The following EDA2R variants were observed in gnomAD, a reference collection of about 807,000 sequenced individuals.
EDA2R encodes tumor necrosis factor receptor superfamily member 27.
A neutral mutation model predicts 20.1 loss-of-function variants in EDA2R; 26 were observed. The observed-to-expected ratio is 1.30, with a 90% confidence interval of 0.95 to 1.80. The LOEUF (loss-of-function observed/expected upper bound fraction) is 1.80. Ranked by LOEUF, EDA2R falls within the 40% of genes most tolerant of loss-of-function variation. The probability of loss-of-function intolerance (pLI) is 0.00; values close to 1 mark genes in which losing one functional copy is unlikely to be tolerated. For missense variants in EDA2R, 277 were observed against 228.7 expected, an observed-to-expected ratio of 1.21 and a Z score of -1.36; for synonymous variants, 114 against 88.7, an observed-to-expected ratio of 1.29 and a Z score of -1.60.
chrX:66,622,552 G>A (rs1337990679), intron 1 of EDA2R, among the ~76,000 whole-genome samples: 5 of 111,837 alleles, frequency 4.5e-5, no homozygotes, highest in African/African-American at 1.6e-4. Context: ...GATTAAAAAC[G>A]ATGAAGAAGA....
chrX:66,625,468 AT>A (rs1569252109), intron 1 of EDA2R, among the ~76,000 whole-genome samples: 1 of 110,808 alleles, frequency 9.0e-6, no homozygotes. Context: ...AACTCCATGG[AT>A]CTGGGAACCT....
At chrX:66,618,504 C>A (rs770185360) in intron 1 of EDA2R, among the ~76,000 whole-genome samples, 20 of 112,239 alleles carry the variant, frequency 1.8e-4, no homozygotes, top group Non-Finnish European at 3.4e-4. Flanking sequence ...TTCCATACTG[C>A]AGCTAGACAC....
Position 66,619,387 on chromosome X carries a change from A to G in EDA2R, c.-10-3357T>C, listed in dbSNP as rs1033618837. 2.7e-5 allele frequency among the ~76,000 whole-genome samples: 3 copies of G among 112,421 alleles called. No homozygotes were observed. The Admixed American group carries it at 2.8e-4, about 11-fold the overall frequency. ...AAACGTTTGGAAACTTTTCCGAGAC[A>G]ATTGCCTTTGAAATGGAAGTGAAAA... On this transcript the variant is annotated intron_variant, in intron 1 of 6. Transcript: ENST00000374719.
chrX:66,599,926 G>A (rs140772275), intron 5 of EDA2R, 66 bp from the exon 6 acceptor site: 2 of 1,159,726 alleles, frequency 1.7e-6, no homozygotes, highest in Non-Finnish European at 2.3e-6. Flanking sequence ...CTGGGCACTG[G>A]GTACTGAGTA....
intron 5 of EDA2R, among the ~76,000 whole-genome samples, chrX:66,601,915 C>G (rs1235821460): frequency 9.0e-6 from 1 of 111,551 alleles, no homozygotes; most frequent in Admixed American, 9.6e-5. Flanking sequence ...TAATAGAGAT[C>G]ACAATGTTAC....
At chrX:66,636,939 A>AC (rs1934379568) in intron 1 of EDA2R, among the ~76,000 whole-genome samples, 1 of 99,839 alleles carries the variant, frequency 1.0e-5, no homozygotes, top group Non-Finnish European at 2.0e-5. Context: ...CTGTGTGTAA[A>AC]ACACACACAC....
intron 1 of EDA2R, among the ~76,000 whole-genome samples, chrX:66,631,039 G>A (rs1206664415): frequency 7.4e-5 from 8 of 108,693 alleles, no homozygotes; most frequent in African/African-American, 2.7e-4. Flanking sequence ...ACACATGTGT[G>A]TATATGTATA....
intron 1 of EDA2R, among the ~76,000 whole-genome samples, chrX:66,619,814 T>C (rs112662067): frequency 2.0e-3 from 228 of 111,868 alleles, no homozygotes; most frequent in African/African-American, 7.0e-3. Flanking sequence ...GCTCTAAAAA[T>C]TCATGTGGGT....
At chrX:66,629,020 G>T (rs144582901) in intron 1 of EDA2R, among the ~76,000 whole-genome samples, 1 of 111,623 alleles carries the variant, frequency 9.0e-6, no homozygotes, top group African/African-American at 3.3e-5. Context: ...TACCAGGGAC[G>T]CAGGGATGGT....
chrX:66,625,782 C>A (rs952815567), intron 1 of EDA2R, among the ~76,000 whole-genome samples: 6 of 112,206 alleles, frequency 5.3e-5, no homozygotes, highest in African/African-American at 1.9e-4. Flanking sequence ...GACACCTCCA[C>A]CGGAACAGGT....
At chrX:66,633,327 T>C (rs1338564242) in intron 1 of EDA2R, among the ~76,000 whole-genome samples, 1 of 111,926 alleles carries the variant, frequency 8.9e-6, no homozygotes, top group African/African-American at 3.2e-5. Flanking sequence ...GAAAAGAGAC[T>C]GTGTAGCCAA....
chrX:66,634,776 T>G (rs1329614100), intron 1 of EDA2R, among the ~76,000 whole-genome samples: 1 of 111,469 alleles, frequency 9.0e-6, no homozygotes, highest in Non-Finnish European at 1.9e-5. Context: ...TGGCCCAGCT[T>G]TAGGACCAAT....
intron 1 of EDA2R, among the ~76,000 whole-genome samples, chrX:66,619,069 G>C (rs763205999): frequency 1.4e-3 from 160 of 111,791 alleles, no homozygotes; most frequent in African/African-American, 5.0e-3. Flanking sequence ...GAGGTTTATA[G>C]TAAAAGGAGT....
chrX:66,633,061 A>T (rs1028911873), intron 1 of EDA2R, among the ~76,000 whole-genome samples: 21 of 112,276 alleles, frequency 1.9e-4, no homozygotes, highest in Non-Finnish European at 3.6e-4. Flanking sequence ...AGAAAAAAAA[A>T]TCCTTACTAA....
chrX:66,631,493 G>T (rs1933811860), intron 1 of EDA2R, among the ~76,000 whole-genome samples: 1 of 111,571 alleles, frequency 9.0e-6, no homozygotes, highest in Non-Finnish European at 1.9e-5. Flanking sequence ...ACTTTTCAAG[G>T]CAGTATTGAA....
At chrX:66,634,085 G>C (rs1934102972) in intron 1 of EDA2R, among the ~76,000 whole-genome samples, 1 of 111,474 alleles carries the variant, frequency 9.0e-6, no homozygotes, top group Non-Finnish European at 1.9e-5. Context: ...AAGGAGCAGA[G>C]ATACAAACCA....
intron 1 of EDA2R, among the ~76,000 whole-genome samples, chrX:66,638,470 G>A (rs1183902815): frequency 1.8e-5 from 2 of 110,917 alleles, no homozygotes; most frequent in Non-Finnish European, 3.8e-5. Flanking sequence ...ACTGCCCGGG[G>A]CTCAGCTTCC....
At chrX:66,608,311 C>G (rs1224360453) in intron 2 of EDA2R, among the ~76,000 whole-genome samples, 1 of 110,697 alleles carries the variant, frequency 9.0e-6, no homozygotes, top group Non-Finnish European at 1.9e-5. Context: ...CTTCTCAAAT[C>G]TGATGAAAGA....
intron 2 of EDA2R, among the ~76,000 whole-genome samples, chrX:66,610,811 C>T (rs972350828): frequency 1.8e-5 from 2 of 111,266 alleles, no homozygotes; most frequent in African/African-American, 6.5e-5. Context: ...CCTGAGAAGC[C>T]TCTTCCCCAT....
Sources: allele counts gnomAD v4.1 joint callset (sites outside exome capture counted in the v4.1 genomes callset), GRCh38; gene constraint gnomAD v4.1.1; transcripts MANE v1.5; gene names NCBI Gene and HGNC (gene_info 2026-07-23, HGNC 2026-07-21).